RPL32: variants seen among roughly 807,000 people sequenced by gnomAD.
RPL32 encodes large ribosomal subunit protein eL32.
For missense variants in RPL32, 117 were observed against 173.7 expected (o/e 0.67, Z 1.83); for synonymous variants, 61 against 62.6 (o/e 0.98, Z 0.12).
intron 1 of RPL32, 180 bp downstream of exon 1, chr3:12,841,314 C>T (rs1199750679): frequency 6.6e-6 from 1 of 152,382 alleles, no homozygotes; most frequent in Non-Finnish European, 1.5e-5. Flanking sequence ...GGGCAGGAGG[C>T]TCTGGGACGC....
At chr3:12,837,098 TAC>T (rs925118452) in intron 3 of RPL32, among the ~76,000 whole-genome samples, 1 of 152,234 alleles carries the variant, frequency 6.6e-6, no homozygotes, top group Non-Finnish European at 1.5e-5. Flanking sequence ...TAGGTTATAT[TAC>T]ACTTCTCATC....
chr3:12,839,426 C>T lies in RPL32; in HGVS notation c.201G>A (p.Lys67=). 2 of 1,614,170 alleles carry T rather than the reference C, an allele frequency of 1.2e-6. No homozygotes were observed. The highest frequency in any genetic ancestry group is 8.5e-7 in the Non-Finnish European group (1 of 1,180,028). Residue 67 remains lysine (K), a synonymous_variant, in exon 3 of 4, where the codon AAG becomes AAA. Coordinates refer to ENST00000429711, the MANE Select transcript of RPL32 (RefSeq NM_000994.4). ...TCCGGAAGCCACTGGGCAGCATGTG[C>T]TTTGTTTTTTTGTTGCTTCCATAAC... is the stretch of plus-strand genomic sequence containing the variant. The part of the protein sequence containing the change: ...NIGYGSNKKT[K]HMLPSGFRKF...
At chr3:12,840,402 C>T (rs372566348) in intron 1 of RPL32, 160 bp from the exon 2 acceptor site, 5 of 746,286 alleles carry the variant, frequency 6.7e-6, no homozygotes, top group African/African-American at 3.4e-5. Flanking sequence ...CCTCCCTTTC[C>T]GAAGCTGGCA....
chr3:12,838,774 CAG>C (rs1354241967), intron 3 of RPL32, among the ~76,000 whole-genome samples: 2 of 152,190 alleles, frequency 1.3e-5, no homozygotes, highest in African/African-American at 2.4e-5. Context: ...CGACGAGAAA[CAG>C]AAAATCTATC....
rs2124884812 is a variant in RPL32 at position 12,839,537 on chromosome 3, G to T, written c.97-7C>A. The T allele has an allele frequency of 6.2e-7, 1 of 1,614,080 alleles. No individual in the cohort carries two copies. The highest frequency in any genetic ancestry group is 2.2e-5 in the East Asian group (1 of 44,886). On this transcript the variant is annotated splice_polypyrimidine_tract_variant and splice_region_variant and intron_variant, in intron 2 of 3. Coordinates refer to ENST00000429711, the MANE Select transcript of RPL32 (RefSeq NM_000994.4). ...TGGGTTTCCGCCAGTTACGCTGAAG[G>T]AAATAATACACAGGTGGGTTAGCGT...
rs2062083820 is a variant in RPL32 at position 12,834,559 on chromosome 3, T to C, written c.*1535A>G. On this transcript the variant is annotated 3_prime_UTR_variant, in exon 4 of 4. Transcript: ENST00000429711. ...CTTTTTTCCAGGGAGGAGGAATGGG[T>C]TGGGTAGGGAACTGGACAGGCTTGG... The C allele has an allele frequency of 6.5e-6, 1 of 154,712 alleles. No homozygotes were observed. The highest frequency in any genetic ancestry group is 6.3e-5 in the Admixed American group (1 of 15,900). 9.6% of individuals were successfully genotyped at this position (154,712 alleles called of 1,614,324 possible).
At position 12,836,179 on chromosome 3, in the gene RPL32, C is replaced by T. The variant is rs1297720138; in HGVS notation, c.323G>A (p.Arg108His). ...GGCAGCTCTTTCCACGATGGCTTTG[C>T]GGTTCTTGGAGGAAACATTGTGAGC... is the stretch of plus-strand genomic sequence containing the variant. ...EIAHNVSSKNRKAIVERAAQL... is the reference protein window; with the variant it reads ...EIAHNVSSKNHKAIVERAAQL... Residue 108 changes from arginine (R) to histidine (H), a missense_variant, in exon 4 of 4, where the codon CGC (arginine) becomes CAC (histidine). By Grantham distance (29) the Arg-to-His change is conservative. Coordinates refer to ENST00000429711, the MANE Select transcript of RPL32 (RefSeq NM_000994.4). 9 of 1,602,502 alleles carry T rather than the reference C, an allele frequency of 5.6e-6. No homozygotes were observed. Among genetic ancestry groups the T allele is most frequent in the Non-Finnish European group, 7.6e-6 (9 of 1,179,786 alleles).
At chr3:12,839,239 C>T (rs2062125455) in intron 3 of RPL32, 110 bp downstream of exon 3, 1 of 966,222 alleles carries the variant, frequency 1.0e-6, no homozygotes, top group Non-Finnish European at 1.6e-6. Context: ...AGAGAATGTA[C>T]AACACCCCCC....
chr3:12,840,186 T>G lies in RPL32; in HGVS notation c.52A>C (p.Lys18Gln), dbSNP rs146042205. ...VKPKIVKKRT[K>Q]KFIRHQSDRY... is the part of the protein sequence containing the mutation. ...TCTGACTGGTGCCGGATGAACTTCT[T>G]GGTTCTCTTTTTGACGATCTTGGGC... is the stretch of plus-strand genomic sequence containing the variant. The change falls in exon 2 of 4, where the codon AAG becomes CAG. Residue 18 changes from lysine (K) to glutamine (Q), a missense_variant. Transcript: ENST00000429711. 6.2e-7 allele frequency: 1 copy of G among 1,614,096 alleles called. No homozygotes were observed. The highest frequency in any genetic ancestry group is 1.7e-5 in the Admixed American group (1 of 60,030).
chr3:12,838,359 T>C (rs759911053), intron 3 of RPL32, among the ~76,000 whole-genome samples: 6 of 152,136 alleles, frequency 3.9e-5, no homozygotes, highest in Non-Finnish European at 8.8e-5. Context: ...TGAGCCGAAG[T>C]CATGCCACTG....
At chr3:12,836,618 A>C (rs556917386) in intron 3 of RPL32, among the ~76,000 whole-genome samples, 1 of 152,150 alleles carries the variant, frequency 6.6e-6, no homozygotes. Flanking sequence ...TCTTTGCAAA[A>C]TGGTCAAGAG....
intron 2 of RPL32, 93 bp from the exon 3 acceptor site, chr3:12,839,623 G>A (rs759007813): frequency 3.2e-5 from 40 of 1,238,246 alleles, no homozygotes; most frequent in Non-Finnish European, 4.1e-5. Context: ...TGAAAAGGAA[G>A]TATGCCACAC....
chr3:12,835,799 T>A lies in RPL32; in HGVS notation c.*295A>T. On this transcript the variant is annotated 3_prime_UTR_variant, in exon 4 of 4. Coordinates refer to ENST00000429711, the MANE Select transcript of RPL32 (RefSeq NM_000994.4). The stretch of plus-strand genomic sequence containing the variant: ...TGTGGCTTGGGAGCCACAAGCTTCT[T>A]CAAGTGTCTCAGAACCTACCTGGTG... The A allele has an allele frequency of 3.4e-6, 1 of 294,060 alleles. No individual in the cohort carries two copies. Among genetic ancestry groups the A allele is most frequent in the Middle Eastern group, 1.0e-3 (1 of 968 alleles). The allele number at this position is 294,060 out of a possible 1,614,324, so 18.2% of individuals were successfully genotyped here.
intron 1 of RPL32, chr3:12,840,708 T>C: frequency 5.8e-6 from 2 of 343,164 alleles, no homozygotes; most frequent in South Asian, 2.2e-5. Flanking sequence ...AATAAAACCT[T>C]CTAATTCCCT....
Position 12,835,869 on chromosome 3 carries a change from TG to T in RPL32, c.*224del. On this transcript the variant is annotated 3_prime_UTR_variant, in exon 4 of 4. Transcript: ENST00000429711. Reference sequence around the variant, plus strand: ...CCTCATACCCAGCCTCAACTGGAGATGACTAAGGCTAGTCTGTGCACTTGAG... The same window carrying T: ...CCTCATACCCAGCCTCAACTGGAGATACTAAGGCTAGTCTGTGCACTTGAG... 1 of 538,600 alleles carries T rather than the reference TG, an allele frequency of 1.9e-6. No individual in the cohort carries two copies. The highest frequency in any genetic ancestry group is 3.3e-6 in the Non-Finnish European group (1 of 302,682). 33.4% of individuals were successfully genotyped at this position (538,600 alleles called of 1,614,324 possible). A position where few individuals can be genotyped will look rare whatever the true frequency, so the allele number is the denominator to read the frequency against.
intron 3 of RPL32, among the ~76,000 whole-genome samples, chr3:12,836,874 C>T (rs1575788418): frequency 6.6e-6 from 1 of 152,216 alleles, no homozygotes; most frequent in Non-Finnish European, 1.5e-5. Context: ...AAGCCACCCA[C>T]AGTGGTTAAG....
In RPL32 at chr3:12,836,193, A is replaced by C. The variant is rs781268711; in HGVS notation, c.309T>G (p.Val103=). 6.2e-7 allele frequency: 1 copy of C among 1,601,264 alleles called. No individual in the cohort carries two copies. The highest frequency in any genetic ancestry group is 8.5e-7 in the Non-Finnish European group (1 of 1,179,780). ...KSYCAEIAHN[V]SSKNRKAIVE... ...CGATGGCTTTGCGGTTCTTGGAGGA[A>C]ACATTGTGAGCGATCTCGGCACAGT... Residue 103 remains valine, a synonymous_variant, in exon 4 of 4, where the codon GTT becomes GTG. Coordinates refer to ENST00000429711, the MANE Select transcript of RPL32 (RefSeq NM_000994.4).
intron 1 of RPL32, 61 bp from the exon 2 acceptor site, chr3:12,840,303 G>A (rs772615254): frequency 2.5e-6 from 3 of 1,190,560 alleles, no homozygotes; most frequent in Admixed American, 1.7e-5. Context: ...TTCCTGCCCA[G>A]GGACTGAACA....
In RPL32 at chr3:12,841,547, A is replaced by ACGGTGG; in HGVS notation, c.-65_-60dup. 1 of 152,302 alleles carries ACGGTGG rather than the reference A, an allele frequency of 6.6e-6. No individual in the cohort carries two copies. Among genetic ancestry groups the ACGGTGG allele is most frequent in the East Asian group, 1.9e-4 (1 of 5,176 alleles). 9.4% of individuals were successfully genotyped at this position (152,302 alleles called of 1,614,324 possible). On this transcript the variant is annotated 5_prime_UTR_variant, in exon 1 of 4. Transcript: ENST00000429711. ...GGCAGCGCCGAGGAAGAGAGAAGGG[A>ACGGTGG]CGGTGGCGCGCAAGGGCTGATGGGT...
Sources: gnomAD v4.1 joint callset for allele counts (sites outside exome capture counted in the v4.1 genomes callset) on GRCh38, gnomAD v4.1.1 for gene constraint, MANE v1.5 for transcripts, NCBI Gene and HGNC (gene_info 2026-07-23, HGNC 2026-07-21) for gene names.